TSBP1: variants seen among roughly 807,000 people sequenced by gnomAD.
The protein encoded by TSBP1 is testis expressed basic protein 1, also known as testis-expressed basic protein 1.
A neutral mutation model predicts 68.8 loss-of-function variants in TSBP1; 56 were observed. The ratio of observed to expected loss-of-function variants is 0.81; its 90% CI spans 0.66 to 1.02. The LOEUF is 1.02. Among genes scored for constraint, TSBP1 ranks in the 50% least tolerant of loss-of-function variants. The probability of loss-of-function intolerance (pLI) is 0.00; values close to 1 mark genes in which losing one functional copy is unlikely to be tolerated. For synonymous variants in TSBP1, 171 were observed against 208.7 expected (o/e 0.82, Z 1.56); for missense variants, 502 against 641.2 (o/e 0.78, Z 2.34).
In TSBP1 at chr6:32,343,171, G is replaced by T; in HGVS notation, c.350-3533C>A. The T allele has an allele frequency of 3.3e-6, 3 of 907,656 alleles. No individual in the cohort carries two copies. The highest frequency in any genetic ancestry group is 4.6e-6 in the Non-Finnish European group (3 of 659,316). The allele number at this position is 907,656 out of a possible 1,614,324, so 56.2% of individuals were successfully genotyped here. ...AGGAAACAGGAAATAGTTAAGACAGGGAGAAGTCCTCTGCCTAGCATAGGA... is the reference window on the plus strand; with the variant it reads ...AGGAAACAGGAAATAGTTAAGACAGTGAGAAGTCCTCTGCCTAGCATAGGA... On this transcript the variant is annotated intron_variant, in intron 9 of 22. Transcript: ENST00000612031. This position sits in a 1 kb window ranked among gnomAD's most constrained non-coding sequence, Gnocchi z 4.3.
chr6:32,292,875 A>G lies in TSBP1; in HGVS notation c.*106T>C, dbSNP rs1764287849. The G allele has an allele frequency of 7.0e-6, 5 of 713,808 alleles. No homozygotes were observed. The Admixed American group carries it at 1.3e-4, about 19-fold the overall frequency. The allele number at this position is 713,808 out of a possible 1,614,324, so 44.2% of individuals were successfully genotyped here. A position where few individuals can be genotyped will look rare whatever the true frequency, so the allele number is the denominator to read the frequency against. ...AAACTGTGATATGAAGATGAAAGGG[A>G]TTTTATAATTGTAATCTGTTTAGGC... On this transcript the variant is annotated 3_prime_UTR_variant, in exon 23 of 23. Coordinates refer to ENST00000612031, the Ensembl canonical transcript of TSBP1. This position sits in a 1 kb window ranked among gnomAD's most constrained non-coding sequence, Gnocchi z 4.1.
Position 32,302,714 on chromosome 6 carries a change from G to GT in TSBP1, c.581-86dup. On this transcript the variant is annotated intron_variant, in intron 19 of 22. Transcript: ENST00000612031. The surrounding 1 kb of genome is among the most constrained non-coding windows in gnomAD (Gnocchi z 5.1). The stretch of plus-strand genomic sequence containing the variant: ...CTTTCCTACTCCCAATTCCCTAGTT[G>GT]TTTTTTCTAGGGTACCATAAAGACT... 6 of 930,874 alleles carry GT rather than the reference G, an allele frequency of 6.4e-6. No homozygotes were observed. Among genetic ancestry groups the GT allele is most frequent in the South Asian group, 3.1e-5 (2 of 64,578 alleles). The allele number at this position is 930,874 out of a possible 1,614,324, so 57.7% of individuals were successfully genotyped here. A position where few individuals can be genotyped will look rare whatever the true frequency, so the allele number is the denominator to read the frequency against.
At chr6:32,324,618 G>A (rs199916415) in intron 16 of TSBP1, 1 of 1,390,302 alleles carries the variant, frequency 7.2e-7, no homozygotes, top group African/African-American at 1.6e-5. Context: ...TAGAGACCGA[G>A]TCCTAAAGGA....
At chr6:32,349,592 T>G in intron 9 of TSBP1, 148 bp downstream of exon 9, 1 of 603,802 alleles carries the variant, frequency 1.7e-6, no homozygotes, top group Non-Finnish European at 2.9e-6. Flanking sequence ...TTGAAGTGTC[T>G]GGTTATGGAG....
rs1269822792 is a variant in TSBP1 at position 32,340,928 on chromosome 6, T to C, written c.350-1290A>G. Among the ~76,000 whole-genome samples the C allele has an allele frequency of 1.3e-5, 2 of 152,150 alleles. No homozygotes were observed. Among genetic ancestry groups the C allele is most frequent in the Non-Finnish European group, 2.9e-5 (2 of 68,014 alleles). On this transcript the variant is annotated intron_variant, in intron 9 of 22. Coordinates refer to ENST00000612031, the Ensembl canonical transcript of TSBP1. This position sits in a 1 kb window ranked among gnomAD's most constrained non-coding sequence, Gnocchi z 4.8. ...CTTGTGCCTCAGCCTCCTGAGTAGC[T>C]GGGATTACAGGCATGTGCCACCACG... is the stretch of plus-strand genomic sequence containing the variant.
Position 32,336,751 on chromosome 6 carries a change from G to T in TSBP1, c.410-116C>A. ...AACCAGAGGAGAACAACTACTGTGG[G>T]ACTGCAGATGATCTTAGCCTGGAAG... On this transcript the variant is annotated intron_variant, in intron 11 of 22. Coordinates refer to ENST00000612031, the Ensembl canonical transcript of TSBP1. The surrounding 1 kb of genome is among the most constrained non-coding windows in gnomAD (Gnocchi z 5.2). 1 of 839,636 alleles carries T rather than the reference G, an allele frequency of 1.2e-6. No homozygotes were observed. Among genetic ancestry groups the T allele is most frequent in the Non-Finnish European group, 2.0e-6 (1 of 505,490 alleles). 52.0% of individuals were successfully genotyped at this position (839,636 alleles called of 1,614,324 possible).
At chr6:32,329,273 T>A (rs1768645821) in intron 16 of TSBP1, among the ~76,000 whole-genome samples, 1 of 152,152 alleles carries the variant, frequency 6.6e-6, no homozygotes, top group Admixed American at 6.6e-5. Context: ...CATGTATCCA[T>A]GTAGATTCTC....
At chr6:32,309,103 CCA>C (rs1562076113) in intron 19 of TSBP1, among the ~76,000 whole-genome samples, 1 of 151,678 alleles carries the variant, frequency 6.6e-6, no homozygotes, top group East Asian at 1.9e-4. Flanking sequence ...GCATGCACCA[CCA>C]CACTCACCTG....
At chr6:32,346,414 C>T (rs1771002423) in intron 9 of TSBP1, among the ~76,000 whole-genome samples, 1 of 152,204 alleles carries the variant, frequency 6.6e-6, no homozygotes, top group Non-Finnish European at 1.5e-5. Context: ...TCGGACGTTC[C>T]TTCCACCTCT....
intron 9 of TSBP1, among the ~76,000 whole-genome samples, chr6:32,344,712 C>T (rs1304017837): frequency 6.6e-6 from 1 of 152,120 alleles, no homozygotes; most frequent in Non-Finnish European, 1.5e-5. Context: ...ATTGTTTAGG[C>T]ATCTTATATT....
At chr6:32,344,575 G>A (rs112052317) in intron 9 of TSBP1, among the ~76,000 whole-genome samples, 2 of 151,978 alleles carry the variant, frequency 1.3e-5, no homozygotes, top group Non-Finnish European at 2.9e-5. Context: ...CTAAGTGCAC[G>A]CCAATTGCTT....
rs1189717749 is a variant in TSBP1, at chr6:32,325,535, GAT to G, written c.515-1923_515-1922del. 2.3e-6 allele frequency: 2 copies of G among 855,120 alleles called. No individual in the cohort carries two copies. The highest frequency in any genetic ancestry group is 3.4e-5 in the Admixed American group (2 of 58,930). The allele number at this position is 855,120 out of a possible 1,614,324, so 53.0% of individuals were successfully genotyped here. A position where few individuals can be genotyped will look rare whatever the true frequency, so the allele number is the denominator to read the frequency against. On this transcript the variant is annotated intron_variant, in intron 16 of 22. Transcript: ENST00000612031. The surrounding 1 kb of genome is among the most constrained non-coding windows in gnomAD (Gnocchi z 4.4). Reference sequence around the variant, plus strand: ...CAGGTGCCCACTTAACTGTGAAAAAGATATATGCTGGTGGCATTAAAGAAGAC... The same window carrying G: ...CAGGTGCCCACTTAACTGTGAAAAAGATATGCTGGTGGCATTAAAGAAGAC...
intron 9 of TSBP1, among the ~76,000 whole-genome samples, chr6:32,344,274 C>G (rs1482443358): frequency 3.9e-5 from 3 of 76,384 alleles, no homozygotes; most frequent in African/African-American, 7.8e-5. Flanking sequence ...ACCCCCCACC[C>G]TCCACCCCAC....
In TSBP1 at chr6:32,355,209, T is replaced by C; in HGVS notation, c.239-65A>G. The C allele has an allele frequency of 2.6e-6, 4 of 1,513,974 alleles. No individual in the cohort carries two copies. In the Admixed American group the frequency reaches 5.0e-5, roughly 19 times the overall value. The allele number at this position is 1,513,974 out of a possible 1,614,324, so 93.8% of individuals were successfully genotyped here. On this transcript the variant is annotated intron_variant, in intron 7 of 22. Coordinates refer to ENST00000612031, the Ensembl canonical transcript of TSBP1. ...AGTTTGGATCCCTAATCTTTACATA[T>C]CAGCTTCAGTTGCTGTCACCCCCTT... is the stretch of plus-strand genomic sequence containing the variant.
intron 2 of TSBP1, 42 bp from the exon 3 acceptor site, chr6:32,368,856 G>T: frequency 6.4e-7 from 1 of 1,571,812 alleles, no homozygotes; most frequent in East Asian, 2.3e-5. Context: ...AGTTACTTAG[G>T]AGAAGTGTTC....
chr6:32,350,355 T>C (rs987330364), intron 8 of TSBP1, among the ~76,000 whole-genome samples: 2 of 152,222 alleles, frequency 1.3e-5, no homozygotes, highest in Non-Finnish European at 2.9e-5. Flanking sequence ...CGGGGCTTAC[T>C]GAAAGGGTGC....
chr6:32,335,810 A>G lies in TSBP1; in HGVS notation c.451+102T>C. On this transcript the variant is annotated intron_variant, in intron 13 of 22. Transcript: ENST00000612031. The surrounding 1 kb of genome is among the most constrained non-coding windows in gnomAD (Gnocchi z 5.5). ...AAAATAAGGGTTGAAGAAAATGTGAACTCCAAACCCTTGAAATCCCAACAT... is the reference window on the plus strand; with the variant it reads ...AAAATAAGGGTTGAAGAAAATGTGAGCTCCAAACCCTTGAAATCCCAACAT... 1 of 926,906 alleles carries G rather than the reference A, an allele frequency of 1.1e-6. No homozygotes were observed. Among genetic ancestry groups the G allele is most frequent in the Non-Finnish European group, 1.7e-6 (1 of 583,290 alleles). The allele number at this position is 926,906 out of a possible 1,614,324, so 57.4% of individuals were successfully genotyped here.
At chr6:32,356,199 ATAT>A (rs1159835113) in intron 6 of TSBP1, among the ~76,000 whole-genome samples, 1 of 152,238 alleles carries the variant, frequency 6.6e-6, no homozygotes, top group African/African-American at 2.4e-5. Context: ...GTAAATAGTA[ATAT>A]TGATACTTTG....
chr6:32,347,165 A>ATT lies in TSBP1; in HGVS notation c.349+2573_349+2574dup, dbSNP rs9279590. Among the ~76,000 whole-genome samples the ATT allele has an allele frequency of 2.8e-3, 404 of 144,428 alleles. 2 individuals carry two copies. Among genetic ancestry groups the ATT allele is most frequent in the African/African-American group, 7.8e-3 (306 of 39,076 alleles). 94.8% of individuals were successfully genotyped at this position (144,428 alleles called of 152,430 possible). On this transcript the variant is annotated intron_variant, in intron 9 of 22. Transcript: ENST00000612031. ...ACCATGTCTCTTACAGCCCTCTTAGATTTTTTTTTTTTTTTTGAGACAGGG... is the reference window on the plus strand; with the variant it reads ...ACCATGTCTCTTACAGCCCTCTTAGATTTTTTTTTTTTTTTTTTGAGACAGGG...
Sources: allele counts gnomAD v4.1 joint callset (sites outside exome capture counted in the v4.1 genomes callset), GRCh38; gene constraint gnomAD v4.1.1; non-coding constraint Gnocchi (gnomAD v3.1); transcripts MANE v1.5; gene names NCBI Gene and HGNC (gene_info 2026-07-23, HGNC 2026-07-21).